SYN3: variants seen among roughly 807,000 people sequenced by gnomAD.
The protein encoded by SYN3 is synapsin III, also known as synapsin-3.
Under a neutral mutation model 65.8 loss-of-function variants are expected in SYN3, and 35 were observed. That is an observed-to-expected ratio of 0.53 (90% confidence interval 0.41 to 0.70). The LOEUF (loss-of-function observed/expected upper bound fraction) is 0.70, where lower values mean the gene tolerates loss of function less well. SYN3 is among the 30% of genes least tolerant of loss of function. The pLI is 0.00. For synonymous variants in SYN3, 270 were observed against 292.9 expected (o/e 0.92, Z 0.80); for missense variants, 680 against 749.0 (o/e 0.91, Z 1.08).
chr22:32,906,330 T>G (rs544213882), intron 4 of SYN3, among the ~76,000 whole-genome samples: 88 of 152,292 alleles, frequency 5.8e-4, no homozygotes, highest in Middle Eastern at 3.4e-3. Flanking sequence ...AACCTGCATT[T>G]AGCCAAGCTC....
In SYN3 at chr22:32,518,047, G is replaced by A. The variant is rs760995355; in HGVS notation, c.1606C>T (p.Leu536Phe). ...TCCAATTCCCAAAGCACTTACTTGA[G>A]ATGCGGATGGGGTGGTGCTGGCTTC... The part of the protein sequence containing the change: ...SKKPAPPHPH[L>F]NKSQSLTNSL... The change falls in exon 13 of 14, where the codon CTC becomes TTC. Residue 536 changes from leucine (L) to phenylalanine (F), a missense_variant. By Grantham distance (22) the Leu-to-Phe change is conservative. Coordinates refer to ENST00000358763, the MANE Select transcript of SYN3 (RefSeq NM_003490.4). The A allele has an allele frequency of 2.6e-6, 4 of 1,517,152 alleles. No individual in the cohort carries two copies. In the South Asian group the frequency reaches 4.1e-5, roughly 15 times the overall value. 94.0% of individuals were successfully genotyped at this position (1,517,152 alleles called of 1,614,324 possible).
rs541094502 is a variant in SYN3 at position 32,722,783 on chromosome 22, C to G, written c.712-126047G>C. ...CTAGGCTAGGAAGGTGGCTTTGGAG[C>G]TGTCAGCATTCCAGTTGGACCTTCC... On this transcript the variant is annotated intron_variant, in intron 6 of 13. Transcript: ENST00000358763. 2.6e-5 allele frequency among the ~76,000 whole-genome samples: 4 copies of G among 152,338 alleles called. No homozygotes were observed. In the East Asian group the frequency reaches 7.7e-4, roughly 29 times the overall value.
At chr22:32,574,364 A>C (rs1481625370) in intron 7 of SYN3, among the ~76,000 whole-genome samples, 1 of 152,094 alleles carries the variant, frequency 6.6e-6, no homozygotes, top group Non-Finnish European at 1.5e-5. Flanking sequence ...CAGTAGTCCC[A>C]GCTACTTGGG....
intron 4 of SYN3, among the ~76,000 whole-genome samples, chr22:32,906,015 G>T (rs1254841641): frequency 6.6e-6 from 1 of 152,098 alleles, no homozygotes; most frequent in African/African-American, 2.4e-5. Flanking sequence ...AAATTCCAAG[G>T]TTTGCACAGC....
intron 6 of SYN3, among the ~76,000 whole-genome samples, chr22:32,731,775 A>T (rs2061273547): frequency 6.6e-6 from 1 of 152,116 alleles, no homozygotes; most frequent in Non-Finnish European, 1.5e-5. Context: ...TAAATATATC[A>T]CCAAGAGGCA....
intron 1 of SYN3, among the ~76,000 whole-genome samples, chr22:33,025,143 G>A (rs1006750048): frequency 1.3e-5 from 2 of 152,006 alleles, no homozygotes; most frequent in African/African-American, 2.4e-5. Flanking sequence ...TTCAAGACCA[G>A]CCTGGCTAGC....
intron 3 of SYN3, among the ~76,000 whole-genome samples, chr22:32,973,484 T>C (rs897431844): frequency 6.6e-6 from 1 of 152,206 alleles, no homozygotes; most frequent in Non-Finnish European, 1.5e-5. Flanking sequence ...CTGTGAAATA[T>C]TCCCCAAGGT....
intron 6 of SYN3, among the ~76,000 whole-genome samples, chr22:32,746,607 C>T (rs2044940518): frequency 1.3e-5 from 2 of 152,148 alleles, no homozygotes; most frequent in Non-Finnish European, 2.9e-5. Context: ...TCCAGGAAGC[C>T]TTCTCTGATT....
At chr22:33,008,687 GCAGATCA>G (rs2053260714) in intron 1 of SYN3, among the ~76,000 whole-genome samples, 1 of 152,052 alleles carries the variant, frequency 6.6e-6, no homozygotes, top group Non-Finnish European at 1.5e-5. Flanking sequence ...GCTGAGGTGG[GCAGATCA>G]CTTGAAGCCA....
chr22:32,687,105 T>C (rs1250857284), intron 6 of SYN3, among the ~76,000 whole-genome samples: 2 of 152,164 alleles, frequency 1.3e-5, no homozygotes, highest in African/African-American at 4.8e-5. Context: ...CTGAGTGTTC[T>C]CCTTGGTACT....
At chr22:32,804,150 G>C (rs1479728818) in intron 6 of SYN3, among the ~76,000 whole-genome samples, 1 of 152,082 alleles carries the variant, frequency 6.6e-6, no homozygotes, top group Non-Finnish European at 1.5e-5. Flanking sequence ...GAATCAAAAA[G>C]AAAAAAAGAA....
intron 6 of SYN3, among the ~76,000 whole-genome samples, chr22:32,815,856 G>A (rs1390223475): frequency 6.6e-6 from 1 of 152,174 alleles, no homozygotes. Context: ...TCACCCCACT[G>A]CATGATGGCA....
chr22:32,663,426 A>G (rs959584899), intron 6 of SYN3, among the ~76,000 whole-genome samples: 1 of 151,462 alleles, frequency 6.6e-6, no homozygotes, highest in Non-Finnish European at 1.5e-5. Context: ...AGCCGCCCGA[A>G]TAGCTGGGAG....
At chr22:32,778,950 A>G (rs1471842048) in intron 6 of SYN3, among the ~76,000 whole-genome samples, 1 of 152,208 alleles carries the variant, frequency 6.6e-6, no homozygotes, top group Non-Finnish European at 1.5e-5. Context: ...ATATTTATTG[A>G]GCACCTCTTA....
chr22:32,930,279 A>C (rs2050591652), intron 4 of SYN3, among the ~76,000 whole-genome samples: 1 of 152,112 alleles, frequency 6.6e-6, no homozygotes, highest in South Asian at 2.1e-4. Flanking sequence ...TTAGTGAGTA[A>C]GTCTCAAGAG....
chr22:32,682,457 G>T (rs753915526), intron 6 of SYN3, among the ~76,000 whole-genome samples: 2 of 152,116 alleles, frequency 1.3e-5, no homozygotes, highest in Admixed American at 6.5e-5. Context: ...CACCAGTCTG[G>T]AGATTACTGC....
chr22:32,714,097 C>T (rs2061004177), intron 6 of SYN3, among the ~76,000 whole-genome samples: 1 of 152,114 alleles, frequency 6.6e-6, no homozygotes, highest in African/African-American at 2.4e-5. Flanking sequence ...TTCCTGAATG[C>T]CTTTAGCTGA....
chr22:32,645,862 G>C (rs931971776), intron 6 of SYN3, among the ~76,000 whole-genome samples: 1 of 152,064 alleles, frequency 6.6e-6, no homozygotes, highest in Non-Finnish European at 1.5e-5. Context: ...TGGGGGAAAG[G>C]GGAAAAGTGG....
intron 6 of SYN3, among the ~76,000 whole-genome samples, chr22:32,843,042 A>G (rs754741880): frequency 6.6e-6 from 1 of 152,110 alleles, no homozygotes; most frequent in Non-Finnish European, 1.5e-5. Context: ...AATCCCATGT[A>G]AAGGTTTTTA....
Sources: allele counts gnomAD v4.1 joint callset (sites outside exome capture counted in the v4.1 genomes callset), GRCh38; gene constraint gnomAD v4.1.1; transcripts MANE v1.5; gene names NCBI Gene and HGNC (gene_info 2026-07-23, HGNC 2026-07-21).